The following CILK1 variants were observed in gnomAD, a reference collection of about 807,000 sequenced individuals.
CILK1 encodes the protein serine/threonine-protein kinase ICK.
Under a neutral mutation model 79.2 loss-of-function variants are expected in CILK1, and 47 were observed. That is an observed-to-expected ratio of 0.59 (90% CI 0.47 to 0.76). The LOEUF (loss-of-function observed/expected upper bound fraction) is 0.76. Among genes scored for constraint, CILK1 ranks in the 30% least tolerant of loss-of-function variants. CILK1 has a pLI of 0.00. For synonymous variants in CILK1, 266 were observed against 275.9 expected (o/e 0.96, Z 0.36); for missense variants, 660 against 769.5 (o/e 0.86, Z 1.68).
chr6:53,006,097 T>C (rs1367238475), intron 13 of CILK1, among the ~76,000 whole-genome samples: 3 of 152,014 alleles, frequency 2.0e-5, no homozygotes, highest in Non-Finnish European at 4.4e-5. Context: ...ACCCCCACAA[T>C]CCCTACCTCC....
intron 1 of CILK1, chr6:53,054,591 A>G (rs1767719392): frequency 6.6e-6 from 1 of 152,356 alleles, no homozygotes; most frequent in South Asian, 2.1e-4. Flanking sequence ...GCAGGCAGGC[A>G]GCCTGGGCCC....
chr6:53,016,334 A>C, intron 7 of CILK1, 84 bp from the exon 8 acceptor site: 1 of 1,370,672 alleles, frequency 7.3e-7, no homozygotes, highest in Non-Finnish European at 1.0e-6. Context: ...CCCCAAATGG[A>C]AAGGCAACCA....
intron 1 of CILK1, among the ~76,000 whole-genome samples, chr6:53,054,976 A>G (rs1767748756): frequency 1.3e-5 from 2 of 152,220 alleles, no homozygotes; most frequent in African/African-American, 4.8e-5. Flanking sequence ...AACCTTAATC[A>G]ATGAATTAAT....
At chr6:53,053,067 CTTATA>C (rs1581770208) in intron 1 of CILK1, among the ~76,000 whole-genome samples, 1 of 150,266 alleles carries the variant, frequency 6.7e-6, no homozygotes, top group Non-Finnish European at 1.5e-5. Context: ...AAAAAAAAAC[CTTATA>C]CTTAAAGAAA....
chr6:53,016,322 T>C, intron 7 of CILK1, 72 bp from the exon 8 acceptor site: 1 of 1,507,530 alleles, frequency 6.6e-7, no homozygotes, highest in Non-Finnish European at 9.2e-7. Flanking sequence ...CTGGCATGTG[T>C]GCCCCAAATG....
intron 13 of CILK1, among the ~76,000 whole-genome samples, 172 bp downstream of exon 13, chr6:53,006,143 T>C (rs1364143047): frequency 1.3e-5 from 2 of 152,238 alleles, no homozygotes; most frequent in Non-Finnish European, 2.9e-5. Flanking sequence ...ACTAAGTCAG[T>C]AAGCATCTGA....
At chr6:53,018,911 A>G (rs922415571) in intron 6 of CILK1, among the ~76,000 whole-genome samples, 3 of 152,202 alleles carry the variant, frequency 2.0e-5, no homozygotes, top group Non-Finnish European at 2.9e-5. Flanking sequence ...AAGTTTTCAC[A>G]ATAGCAATTA....
At chr6:53,035,352 G>C (rs777649731) in intron 3 of CILK1, among the ~76,000 whole-genome samples, 6 of 148,536 alleles carry the variant, frequency 4.0e-5, no homozygotes, top group Non-Finnish European at 7.5e-5. Flanking sequence ...GGAAGGAGGG[G>C]GAAATTGTTG....
intron 1 of CILK1, among the ~76,000 whole-genome samples, chr6:53,046,060 C>T (rs1030213920): frequency 3.9e-5 from 6 of 152,262 alleles, no homozygotes; most frequent in African/African-American, 4.8e-5. Flanking sequence ...GTGGATATAA[C>T]GAAGCTATGT....
intron 1 of CILK1, among the ~76,000 whole-genome samples, chr6:53,051,168 G>A (rs1315377370): frequency 6.6e-6 from 1 of 152,184 alleles, no homozygotes; most frequent in Admixed American, 6.5e-5. Flanking sequence ...GGAATCTCAA[G>A]GAAGGCTCTG....
intron 1 of CILK1, among the ~76,000 whole-genome samples, chr6:53,047,600 C>G (rs1767181004): frequency 6.7e-6 from 1 of 150,368 alleles, no homozygotes; most frequent in South Asian, 2.1e-4. Context: ...CGTGAGTACA[C>G]CTGGCCTCAC....
intron 3 of CILK1, 144 bp from the exon 4 acceptor site, chr6:53,032,798 G>GT (rs1249085931): frequency 3.4e-6 from 2 of 584,084 alleles, no homozygotes; most frequent in African/African-American, 3.8e-5. Flanking sequence ...TTTATTGACA[G>GT]TTTAATAGTA....
chr6:53,047,283 C>G (rs1767145533), intron 1 of CILK1, among the ~76,000 whole-genome samples: 1 of 151,912 alleles, frequency 6.6e-6, no homozygotes, highest in South Asian at 2.1e-4. Flanking sequence ...GTATGTGTGT[C>G]ATGCAGGAGT....
At chr6:53,018,583 G>C (rs961158889) in intron 6 of CILK1, 82 bp from the exon 7 acceptor site, 10 of 1,335,112 alleles carry the variant, frequency 7.5e-6, no homozygotes, top group Non-Finnish European at 1.1e-5. Flanking sequence ...CTCAGTGAGG[G>C]GGTGTATATG....
chr6:53,011,933 A>G lies in CILK1; in HGVS notation c.1344-16T>C. The G allele has an allele frequency of 9.3e-6, 15 of 1,614,198 alleles. No individual in the cohort carries two copies. Among genetic ancestry groups the G allele is most frequent in the Non-Finnish European group, 1.3e-5 (15 of 1,180,018 alleles). On this transcript the variant is annotated splice_polypyrimidine_tract_variant and intron_variant, in intron 10 of 13. Coordinates refer to ENST00000676107, the MANE Select transcript of CILK1 (RefSeq NM_014920.5). ...ACTCTCAAACCTGAATGAAGAGAGC[A>G]TGGCTTGGGTCAGCACGAGAGACAG...
intron 1 of CILK1, among the ~76,000 whole-genome samples, chr6:53,042,362 A>G (rs1178271905): frequency 6.6e-6 from 1 of 152,260 alleles, no homozygotes; most frequent in Non-Finnish European, 1.5e-5. Flanking sequence ...TTGCCAAGCT[A>G]TGAAAATTTC....
At chr6:53,019,387 C>G (rs750512931) in intron 5 of CILK1, 28 bp from the exon 6 acceptor site, 1 of 1,613,272 alleles carries the variant, frequency 6.2e-7, no homozygotes, top group Non-Finnish European at 8.5e-7. Flanking sequence ...GAGAAGAAAT[C>G]CAAATGCAAG....
chr6:53,004,574 A>G lies in CILK1; in HGVS notation c.*575T>C, dbSNP rs1764112745. 1 of 153,492 alleles carries G rather than the reference A, an allele frequency of 6.5e-6. No homozygotes were observed. The highest frequency in any genetic ancestry group is 1.5e-5 in the Non-Finnish European group (1 of 68,674). 9.5% of individuals were successfully genotyped at this position (153,492 alleles called of 1,614,324 possible). The stretch of plus-strand genomic sequence containing the variant: ...AGTCCTTTTAGAACAGCAGAGTGGT[A>G]TCCAAAAATCAAACCAATGACCTAC... On this transcript the variant is annotated 3_prime_UTR_variant, in exon 14 of 14. Transcript: ENST00000676107.
intron 7 of CILK1, among the ~76,000 whole-genome samples, chr6:53,017,808 C>A (rs1019507160): frequency 6.6e-6 from 1 of 151,708 alleles, no homozygotes; most frequent in African/African-American, 2.4e-5. Flanking sequence ...AAGAGAAAGA[C>A]AGAAGGTAAA....
Sources: gnomAD v4.1 joint callset for allele counts (sites outside exome capture counted in the v4.1 genomes callset) on GRCh38, gnomAD v4.1.1 for gene constraint, MANE v1.5 for transcripts, NCBI Gene and HGNC (gene_info 2026-07-23, HGNC 2026-07-21) for gene names.